The following RMND5B variants were observed in gnomAD, a reference collection of about 807,000 sequenced individuals.
The protein encoded by RMND5B is E3 ubiquitin-protein transferase RMND5B.
In RMND5B, 42 loss-of-function variants were observed where a neutral mutation model predicts 50.4. That is an observed-to-expected ratio of 0.83 (90% CI 0.65 to 1.08). The LOEUF is 1.08. RMND5B is among the 50% of genes least tolerant of loss of function. The pLI, the probability that RMND5B is intolerant of heterozygous loss-of-function variation, is 0.00. For missense variants in RMND5B, 463 were observed against 508.5 expected (o/e 0.91, Z 0.86); for synonymous variants, 220 against 210.0 (o/e 1.05, Z -0.41).
chr5:178,147,202 G>A, intron 8 of RMND5B: 1 of 332,480 alleles, frequency 3.0e-6, no homozygotes, highest in Non-Finnish European at 5.6e-6. Flanking sequence ...CTACAGGCAG[G>A]CTGGGGCCCT....
chr5:178,147,483 G>A (rs201508928), intron 8 of RMND5B, 50 bp from the exon 9 acceptor site: 3 of 1,499,128 alleles, frequency 2.0e-6, no homozygotes, highest in African/African-American at 2.8e-5. Flanking sequence ...GGCCCTTTTT[G>A]CCTGTCTGCT....
At position 178,149,709 on chromosome 5, in the gene RMND5B, C is replaced by T. The variant is rs185752917; in HGVS notation, c.*1677C>T. The T allele has an allele frequency of 4.0e-5, 64 of 1,613,438 alleles. No individual in the cohort carries two copies. The African/African-American group carries it at 7.6e-4, about 19-fold the overall frequency. On this transcript the variant is annotated 3_prime_UTR_variant, in exon 11 of 11. Coordinates refer to ENST00000313386, the MANE Select transcript of RMND5B (RefSeq NM_022762.5). ...GGCAGGTGCCCAGGTGCTACCGGAG[C>T]CCCTCATAGGGGTAGGGGCAGGGAC...
rs925856003 is a variant in RMND5B, at chr5:178,138,032, G to C, written c.-12-76G>C. On this transcript the variant is annotated intron_variant, in intron 2 of 10. Transcript: ENST00000313386. This position sits in a 1 kb window ranked among gnomAD's most constrained non-coding sequence, Gnocchi z 5.1. ...GATGTGGGAATGGTGAGAGGGATCT[G>C]AAGAGGTGGTCTGGGCACCCTGCCT... The C allele has an allele frequency of 7.5e-7, 1 of 1,324,798 alleles. No homozygotes were observed. The highest frequency in any genetic ancestry group is 2.5e-5 in the East Asian group (1 of 39,624). The allele number at this position is 1,324,798 out of a possible 1,614,324, so 82.1% of individuals were successfully genotyped here.
chr5:178,133,281 C>T (rs988757044), intron 2 of RMND5B, among the ~76,000 whole-genome samples: 5 of 152,208 alleles, frequency 3.3e-5, no homozygotes, highest in Non-Finnish European at 7.3e-5. Context: ...AACCTCCATA[C>T]ATGCCTTTGT....
Position 178,138,517 on chromosome 5 carries a change from A to G in RMND5B, c.139+259A>G. ...TATTTTTAACTTTTTTTCATTTTAT[A>G]ATTGTGTGTGTGTGTGTGTGTGTGT... On this transcript the variant is annotated intron_variant, in intron 3 of 10. Coordinates refer to ENST00000313386, the MANE Select transcript of RMND5B (RefSeq NM_022762.5). The surrounding 1 kb of genome is among the most constrained non-coding windows in gnomAD (Gnocchi z 5.1). 1 of 437,560 alleles carries G rather than the reference A, an allele frequency of 2.3e-6. No individual in the cohort carries two copies. The highest frequency in any genetic ancestry group is 3.3e-6 in the Non-Finnish European group (1 of 302,058). 27.1% of individuals were successfully genotyped at this position (437,560 alleles called of 1,614,324 possible).
chr5:178,141,814 C>G (rs1256294177), intron 3 of RMND5B: 1 of 152,224 alleles, frequency 6.6e-6, no homozygotes, highest in East Asian at 1.9e-4. Context: ...TCATCACCCC[C>G]AAAAGAAACC....
Position 178,150,142 on chromosome 5 carries a change from T to G in RMND5B, c.*2110T>G. ...TGCCTCAGATCTGGCCCCTGTTACG[T>G]AAGATAAGGACAGCTACAGGTCCCT... On this transcript the variant is annotated 3_prime_UTR_variant, in exon 11 of 11. Coordinates refer to ENST00000313386, the MANE Select transcript of RMND5B (RefSeq NM_022762.5). The G allele has an allele frequency of 6.6e-6, 2 of 302,766 alleles. No homozygotes were observed. Among genetic ancestry groups the G allele is most frequent in the South Asian group, 3.7e-5 (1 of 26,760 alleles). 18.8% of individuals were successfully genotyped at this position (302,766 alleles called of 1,614,324 possible).
rs1223275138 is a variant in RMND5B, at chr5:178,148,814, G to A, written c.*782G>A. On this transcript the variant is annotated 3_prime_UTR_variant, in exon 11 of 11. Transcript: ENST00000313386. ...CTCCATAGGAGAAATCCGTGTAATG[G>A]GATTCAGGAAAATGAAGTAACTTGC... The A allele has an allele frequency of 6.6e-6, 1 of 152,272 alleles. No homozygotes were observed. Among genetic ancestry groups the A allele is most frequent in the Non-Finnish European group, 1.5e-5 (1 of 68,114 alleles). 9.4% of individuals were successfully genotyped at this position (152,272 alleles called of 1,614,324 possible). A position where few individuals can be genotyped will look rare whatever the true frequency, so the allele number is the denominator to read the frequency against.
At chr5:178,143,772 C>CT in intron 6 of RMND5B, 45 bp downstream of exon 6, 1 of 1,508,518 alleles carries the variant, frequency 6.6e-7, no homozygotes. Context: ...GCTTCGACCT[C>CT]TCAGGGCACA....
chr5:178,148,176 C>T lies in RMND5B; in HGVS notation c.*144C>T. On this transcript the variant is annotated 3_prime_UTR_variant, in exon 11 of 11. Transcript: ENST00000313386. ...TCCACTGAGGGGAGCACTGGAGCAG[C>T]CCTTTGGCAGAGGCTGAGGAGGGAG... The T allele has an allele frequency of 2.6e-6, 2 of 779,468 alleles. No individual in the cohort carries two copies. The highest frequency in any genetic ancestry group is 2.1e-6 in the Non-Finnish European group (1 of 465,456). 48.3% of individuals were successfully genotyped at this position (779,468 alleles called of 1,614,324 possible).
At chr5:178,143,758 T>C (rs6601218) in intron 6 of RMND5B, 31 bp downstream of exon 6, 1,552,659 of 1,552,726 alleles carry the variant, frequency 1, 776,296 homozygotes, top group Middle Eastern at 1. Context: ...GCCAGCAGCA[T>C]TCTGCTTCGA....
chr5:178,141,751 A>G (rs779849287), intron 3 of RMND5B: 13 of 152,246 alleles, frequency 8.5e-5, no homozygotes, highest in Non-Finnish European at 1.5e-4. Flanking sequence ...AGCGGTTTTC[A>G]GCATATTTAC....
rs1029228433 is a variant in RMND5B, at chr5:178,131,313, G to C, written c.-76G>C. 6.6e-6 allele frequency: 1 copy of C among 152,370 alleles called. No homozygotes were observed. Among genetic ancestry groups the C allele is most frequent in the African/African-American group, 2.4e-5 (1 of 41,578 alleles). 9.4% of individuals were successfully genotyped at this position (152,370 alleles called of 1,614,324 possible). On this transcript the variant is annotated 5_prime_UTR_variant, in exon 2 of 11. Coordinates refer to ENST00000313386, the MANE Select transcript of RMND5B (RefSeq NM_022762.5). ...AGCCCCCGAAGAGCCGCCTCAGCCG[G>C]GGGGAGTTGCTCGGACTCAAACGTC...
At chr5:178,145,680 T>G (rs1384387412) in intron 7 of RMND5B, among the ~76,000 whole-genome samples, 1 of 152,106 alleles carries the variant, frequency 6.6e-6, no homozygotes, top group Non-Finnish European at 1.5e-5. Context: ...GCTGGGATTA[T>G]AGGCATGAGC....
At chr5:178,142,553 C>T (rs1156644790) in intron 3 of RMND5B, 30 bp from the exon 4 acceptor site, 2 of 1,587,930 alleles carry the variant, frequency 1.3e-6, no homozygotes, top group African/African-American at 2.7e-5. Context: ...AGTCTGCCTC[C>T]TCTGTGTCCT....
chr5:178,131,774 G>A (rs748274033), intron 2 of RMND5B, among the ~76,000 whole-genome samples: 27 of 152,100 alleles, frequency 1.8e-4, no homozygotes, highest in Non-Finnish European at 3.4e-4. Context: ...CAGTGTGAAG[G>A]CCCTAGGGCA....
chr5:178,135,522 T>C (rs1054826651), intron 2 of RMND5B, among the ~76,000 whole-genome samples: 5 of 152,240 alleles, frequency 3.3e-5, no homozygotes, highest in Admixed American at 1.3e-4. Flanking sequence ...TTGCTCTGGG[T>C]ATATTTGGGA....
intron 2 of RMND5B, among the ~76,000 whole-genome samples, chr5:178,131,627 G>C (rs1181273977): frequency 1.3e-5 from 2 of 152,052 alleles, no homozygotes; most frequent in Non-Finnish European, 2.9e-5. Flanking sequence ...TGGTGTGAGG[G>C]TGGGGCGGAG....
In RMND5B at chr5:178,137,963, G is replaced by A. The variant is rs1758703276; in HGVS notation, c.-12-145G>A. ...ATGTTATATGCTTACCAAAACATAG[G>A]TACATATATACATATATGTACAAAA... On this transcript the variant is annotated intron_variant, in intron 2 of 10. Coordinates refer to ENST00000313386, the MANE Select transcript of RMND5B (RefSeq NM_022762.5). This position sits in a 1 kb window ranked among gnomAD's most constrained non-coding sequence, Gnocchi z 4.4. 1 of 738,032 alleles carries A rather than the reference G, an allele frequency of 1.4e-6. No individual in the cohort carries two copies. Among genetic ancestry groups the A allele is most frequent in the Non-Finnish European group, 2.1e-6 (1 of 470,810 alleles). 45.7% of individuals were successfully genotyped at this position (738,032 alleles called of 1,614,324 possible).
Sources: gnomAD v4.1 joint callset for allele counts (sites outside exome capture counted in the v4.1 genomes callset) on GRCh38, gnomAD v4.1.1 for gene constraint, Gnocchi (gnomAD v3.1) non-coding constraint, MANE v1.5 for transcripts, NCBI Gene and HGNC (gene_info 2026-07-23, HGNC 2026-07-21) for gene names.